Variants in LEMD1 observed in about 807,000 individuals in gnomAD.
LEMD1 encodes the protein LEM domain-containing protein 1.
LEMD1 carries 18 observed loss-of-function variants against 17.4 expected under a neutral mutation model. The observed-to-expected ratio is 1.04, with a 90% confidence interval of 0.72 to 1.54. The LOEUF (loss-of-function observed/expected upper bound fraction) is 1.54, where lower values mean the gene tolerates loss of function less well. Among genes scored for constraint, LEMD1 ranks in the 40% most tolerant of loss-of-function variants. LEMD1 has a pLI of 0.00. For missense variants in LEMD1, 195 were observed against 210.4 expected (o/e 0.93, Z 0.45); for synonymous variants, 88 against 77.8 (o/e 1.13, Z -0.69).
At chr1:205,412,612 T>C (rs1249973979) in intron 4 of LEMD1, among the ~76,000 whole-genome samples, 1 of 152,222 alleles carries the variant, frequency 6.6e-6, no homozygotes, top group East Asian at 1.9e-4. Flanking sequence ...GTTAGACAAG[T>C]GTCTCAATAA....
chr1:205,417,985 A>G (rs1268749082), intron 3 of LEMD1, among the ~76,000 whole-genome samples: 3 of 152,050 alleles, frequency 2.0e-5, no homozygotes, highest in Non-Finnish European at 4.4e-5. Context: ...ACATACACCA[A>G]GTTCTGCTAT....
chr1:205,409,652 G>C (rs1436310347), intron 4 of LEMD1, among the ~76,000 whole-genome samples: 1 of 151,850 alleles, frequency 6.6e-6, no homozygotes, highest in African/African-American at 2.4e-5. Context: ...CCAGGCTGGA[G>C]TACAGTGGCA....
chr1:205,400,474 C>T (rs1664789571), intron 4 of LEMD1, among the ~76,000 whole-genome samples: 1 of 152,192 alleles, frequency 6.6e-6, no homozygotes, highest in Admixed American at 6.5e-5. Context: ...AGCGCCATTT[C>T]TAAAGAATTC....
chr1:205,427,558 G>A (rs528062652), intron 1 of LEMD1, among the ~76,000 whole-genome samples: 9 of 152,136 alleles, frequency 5.9e-5, no homozygotes, highest in South Asian at 2.1e-4. Context: ...GGTTTTCACC[G>A]CAGTACACGT....
At chr1:205,407,684 G>A (rs1665184870) in intron 4 of LEMD1, among the ~76,000 whole-genome samples, 1 of 152,196 alleles carries the variant, frequency 6.6e-6, no homozygotes, top group Admixed American at 6.5e-5. Flanking sequence ...GTTCTAGCAA[G>A]TTAGCAAATC....
rs76385342 is a variant in LEMD1, at chr1:205,413,990, G to A, written c.270+2242C>T. 8.8e-3 allele frequency among the ~76,000 whole-genome samples: 1,337 copies of A among 152,248 alleles called. 16 individuals are homozygous for A. The highest frequency in any genetic ancestry group is 0.03 in the African/African-American group (1,249 of 41,532). On this transcript the variant is annotated intron_variant, in intron 4 of 5. Transcript: ENST00000367153. ...GGGTTTTAACAGGAAGAAAAATGTG[G>A]TAGGGGGTGAGAAGAGTGAAAAGAA...
intron 4 of LEMD1, among the ~76,000 whole-genome samples, chr1:205,411,697 A>AAGAAAGAC (rs1665457855): frequency 6.7e-6 from 1 of 148,828 alleles, no homozygotes; most frequent in Non-Finnish European, 1.5e-5. Flanking sequence ...GAAAGAAAGA[A>AAGAAAGAC]AAAGGAAGAA....
chr1:205,419,253 G>A lies in LEMD1; in HGVS notation c.182C>T (p.Ala61Val), dbSNP rs774547030. The change falls in exon 3 of 6, where the codon GCG becomes GTG. Residue 61 changes from alanine to valine, a missense_variant. Ala to Val is a moderately conservative substitution (Grantham distance 64). Transcript: ENST00000367153. The stretch of plus-strand genomic sequence containing the variant: ...ACCTTCGCTGTCATCACTGTCCTGC[G>A]CTCCATCCAGCTCTCTGGGTCCATT... ...VMNGPRELDG[A>V]QDSDDSEELN... is the part of the protein sequence containing the mutation. 4.2e-5 allele frequency: 67 copies of A among 1,614,034 alleles called. 1 individual carries two copies. Among genetic ancestry groups the A allele is most frequent in the East Asian group, 4.5e-5 (2 of 44,890 alleles).
chr1:205,442,529 C>G (rs1047632187), intron 1 of LEMD1, among the ~76,000 whole-genome samples: 4 of 152,194 alleles, frequency 2.6e-5, no homozygotes, highest in African/African-American at 9.7e-5. Flanking sequence ...CCGGTGGATC[C>G]AAGTCCTGTC....
chr1:205,392,860 G>A (rs1045541211), intron 4 of LEMD1, among the ~76,000 whole-genome samples: 5 of 152,170 alleles, frequency 3.3e-5, no homozygotes, highest in African/African-American at 1.2e-4. Context: ...TCAAGAAGCT[G>A]CATGAACCCA....
chr1:205,445,776 G>A (rs911029861), intron 1 of LEMD1, among the ~76,000 whole-genome samples: 1 of 152,174 alleles, frequency 6.6e-6, no homozygotes, highest in African/African-American at 2.4e-5. Context: ...AGCAGCAGCT[G>A]GGAACCTGGT....
intron 4 of LEMD1, among the ~76,000 whole-genome samples, chr1:205,404,769 G>A (rs12076865): frequency 0.31 from 46,456 of 151,240 alleles, 7,430 homozygotes; most frequent in African/African-American, 0.38. Flanking sequence ...TATTTTGCTC[G>A]TTAGTTGATG....
chr1:205,442,979 G>T (rs1202800957), intron 1 of LEMD1, among the ~76,000 whole-genome samples: 2 of 152,194 alleles, frequency 1.3e-5, no homozygotes, highest in Non-Finnish European at 1.5e-5. Context: ...TGTACCAGGA[G>T]ATTAGGCAAG....
At chr1:205,430,289 T>C (rs997207616) in intron 1 of LEMD1, among the ~76,000 whole-genome samples, 3 of 152,088 alleles carry the variant, frequency 2.0e-5, no homozygotes, top group Non-Finnish European at 4.4e-5. Context: ...CCTTCCCTCT[T>C]AGGAAGGGCT....
chr1:205,386,767 T>C (rs1169263947), intron 4 of LEMD1: 1 of 152,140 alleles, frequency 6.6e-6, no homozygotes, highest in African/African-American at 2.4e-5. Flanking sequence ...CACATACCCT[T>C]CCAGGAACAG....
intron 1 of LEMD1, 143 bp from the exon 2 acceptor site, chr1:205,420,717 G>T (rs898606720): frequency 4.6e-5 from 27 of 583,290 alleles, no homozygotes; most frequent in Non-Finnish European, 7.3e-5. Context: ...ACACTTTCTA[G>T]TTCTGCCATA....
intron 1 of LEMD1, chr1:205,440,828 G>A (rs1575008092): frequency 6.6e-6 from 1 of 152,472 alleles, no homozygotes; most frequent in African/African-American, 2.4e-5. Flanking sequence ...CAAGACTTAA[G>A]ATACACACAC....
rs572070955 is a variant in LEMD1, at chr1:205,400,349, T to C, written c.270+15883A>G. Among the ~76,000 whole-genome samples, 5 of 152,332 alleles carry C rather than the reference T, an allele frequency of 3.3e-5. No homozygotes were observed. In the East Asian group the frequency reaches 7.7e-4, roughly 23 times the overall value. The stretch of plus-strand genomic sequence containing the variant: ...TTGGGATTACAGGCGTGAGCCACTA[T>C]GCCTGGCCAAGAAGCCTGACAAACA... On this transcript the variant is annotated intron_variant, in intron 4 of 5. Coordinates refer to ENST00000367153, the MANE Select transcript of LEMD1 (RefSeq NM_001199050.2).
chr1:205,381,780 G>C lies in LEMD1; in HGVS notation c.424C>G (p.Gln142Glu). The change falls in exon 6 of 6, where the codon CAG becomes GAG. Residue 142 changes from glutamine (Q) to glutamate (E), a missense_variant. By Grantham distance (29) the Gln-to-Glu change is conservative. Coordinates refer to ENST00000367153, the MANE Select transcript of LEMD1 (RefSeq NM_001199050.2). ...TKERDYCAED[Q>E]TIESWREEGF... Reference sequence around the variant, plus strand: ...TCTTCTCTCCAGCTCTCGATAGTCTGGTCTTCCGCGCAGTAGTCTCTCTCT... The same window carrying C: ...TCTTCTCTCCAGCTCTCGATAGTCTCGTCTTCCGCGCAGTAGTCTCTCTCT... The C allele has an allele frequency of 6.2e-7, 1 of 1,614,154 alleles. No individual in the cohort carries two copies. The highest frequency in any genetic ancestry group is 1.6e-4 in the Middle Eastern group (1 of 6,062).
Sources: gnomAD v4.1 joint callset for allele counts (sites outside exome capture counted in the v4.1 genomes callset) on GRCh38, gnomAD v4.1.1 for gene constraint, MANE v1.5 for transcripts, NCBI Gene and HGNC (gene_info 2026-07-23, HGNC 2026-07-21) for gene names.